The following CRYBB3 variants were observed in gnomAD, a reference collection of about 807,000 sequenced individuals.
CRYBB3 encodes the protein beta-crystallin B3.
In CRYBB3, 35 loss-of-function variants were observed where a neutral mutation model predicts 28.3. The observed-to-expected ratio is 1.24, with a 90% CI of 0.95 to 1.64. The LOEUF is 1.64. CRYBB3 is among the 40% of genes most tolerant of loss of function. The pLI, the probability that CRYBB3 is intolerant of heterozygous loss-of-function variation, is 0.00. For missense variants in CRYBB3, 296 were observed against 297.4 expected (o/e 1.00, Z 0.04); for synonymous variants, 106 against 110.4 (o/e 0.96, Z 0.25).
At chr22:25,201,539 A>G in intron 2 of CRYBB3, 68 bp downstream of exon 2, 1 of 1,592,970 alleles carries the variant, frequency 6.3e-7, no homozygotes, top group East Asian at 2.3e-5. Flanking sequence ...TTCCCAGCCA[A>G]GCAGCACCTC....
chr22:25,200,619 G>A (rs1193134292), intron 1 of CRYBB3, among the ~76,000 whole-genome samples: 1 of 152,192 alleles, frequency 6.6e-6, no homozygotes, highest in Non-Finnish European at 1.5e-5. Context: ...CCTTCCATGT[G>A]ACTGCGGCAG....
Position 25,205,211 on chromosome 22 carries a change from T to C in CRYBB3, c.328-9T>C. 3 of 1,613,862 alleles carry C rather than the reference T, an allele frequency of 1.9e-6. No individual in the cohort carries two copies. The highest frequency in any genetic ancestry group is 2.5e-6 in the Non-Finnish European group (3 of 1,179,852). On this transcript the variant is annotated splice_polypyrimidine_tract_variant and intron_variant, in intron 4 of 5. Coordinates refer to ENST00000215855, the MANE Select transcript of CRYBB3 (RefSeq NM_004076.5). ...GGAGCAGCCGCTCACCCCACGATAT[T>C]GCCCTCAGGATAGTCCACATCACAA...
chr22:25,203,308 T>TCA (rs1934978955), intron 3 of CRYBB3, among the ~76,000 whole-genome samples: 1 of 152,198 alleles, frequency 6.6e-6, no homozygotes, highest in Non-Finnish European at 1.5e-5. Flanking sequence ...GCAAGTTGCT[T>TCA]CACACACCAG....
At position 25,203,832 on chromosome 22, in the gene CRYBB3, C is replaced by T. The variant is rs770214669; in HGVS notation, c.264C>T (p.Arg88=). Reference sequence around the variant, plus strand: ...TTCTGGAGAAGGGGGATTATCCTCGCTGGGATGCCTGGTCCAACAGCCGTG... The same window carrying T: ...TTCTGGAGAAGGGGGATTATCCTCGTTGGGATGCCTGGTCCAACAGCCGTG... The part of the protein sequence containing the change: ...QFVLEKGDYP[R]WDAWSNSRDS... The change falls in exon 4 of 6, where the codon CGC becomes CGT. Residue 88 remains arginine, a synonymous_variant. Transcript: ENST00000215855. 1 of 1,614,232 alleles carries T rather than the reference C, an allele frequency of 6.2e-7. No homozygotes were observed. Among genetic ancestry groups the T allele is most frequent in the Admixed American group, 1.7e-5 (1 of 60,038 alleles).
chr22:25,206,362 G>A (rs927224591), intron 5 of CRYBB3, among the ~76,000 whole-genome samples: 5 of 152,048 alleles, frequency 3.3e-5, no homozygotes, highest in Admixed American at 6.6e-5. Context: ...TGACCACCAC[G>A]GAGAAACCCC....
chr22:25,203,284 C>G (rs565933666), intron 3 of CRYBB3, among the ~76,000 whole-genome samples: 1 of 152,310 alleles, frequency 6.6e-6, no homozygotes, highest in South Asian at 2.1e-4. Flanking sequence ...CACTAACCAT[C>G]TGGGTGATCT....
At chr22:25,204,574 C>T (rs776449421) in intron 4 of CRYBB3, among the ~76,000 whole-genome samples, 4 of 152,186 alleles carry the variant, frequency 2.6e-5, no homozygotes, top group Admixed American at 6.5e-5. Context: ...CATGCCACCA[C>T]GCTGGGCTAA....
intron 4 of CRYBB3, 99 bp from the exon 5 acceptor site, chr22:25,205,121 A>G (rs1935008627): frequency 6.5e-7 from 1 of 1,536,854 alleles, no homozygotes; most frequent in Non-Finnish European, 8.9e-7. Flanking sequence ...GGTGGGTGTT[A>G]TTTTGTGGTG....
In CRYBB3 at chr22:25,202,779, G is replaced by T. The variant is rs1404555231; in HGVS notation, c.181G>T (p.Val61Leu). The T allele has an allele frequency of 1.2e-6, 2 of 1,613,896 alleles. No individual in the cohort carries two copies. The highest frequency in any genetic ancestry group is 1.7e-6 in the Non-Finnish European group (2 of 1,180,010). ...SLLEKVGSIQVESGPWLAFES... is the reference protein window; with the variant it reads ...SLLEKVGSIQLESGPWLAFES... ...GCTGGAGAAGGTGGGCTCCATCCAA[G>T]TGGAGTCCGGGCCGTGAGTACCTAG... is the stretch of plus-strand genomic sequence containing the variant. Residue 61 changes from valine to leucine, a missense_variant, in exon 3 of 6, where the codon GTG (valine) becomes TTG (leucine). Physicochemically the swap from Val to Leu is conservative, Grantham distance 32. Coordinates refer to ENST00000215855, the MANE Select transcript of CRYBB3 (RefSeq NM_004076.5).
At chr22:25,204,410 T>C (rs768844735) in intron 4 of CRYBB3, among the ~76,000 whole-genome samples, 1 of 152,052 alleles carries the variant, frequency 6.6e-6, no homozygotes, top group Non-Finnish European at 1.5e-5. Flanking sequence ...TTAAACATTT[T>C]TATTTATGTA....
chr22:25,205,411 C>T (rs1397506889), intron 5 of CRYBB3, 49 bp downstream of exon 5: 2 of 1,609,520 alleles, frequency 1.2e-6, no homozygotes, highest in South Asian at 2.2e-5. Flanking sequence ...TCAGCCATGC[C>T]TCTGGCTCCA....
intron 4 of CRYBB3, among the ~76,000 whole-genome samples, chr22:25,204,977 C>G (rs1371309831): frequency 1.3e-5 from 2 of 152,140 alleles, no homozygotes; most frequent in African/African-American, 2.4e-5. Flanking sequence ...TCTGGAAATT[C>G]CTTTTCAGTT....
Position 25,205,687 on chromosome 22 carries a change from C to G in CRYBB3, c.470+325C>G, listed in dbSNP as rs1038383037. 2.0e-5 allele frequency among the ~76,000 whole-genome samples: 3 copies of G among 152,126 alleles called. No homozygotes were observed. The South Asian group carries it at 6.2e-4, about 32-fold the overall frequency. On this transcript the variant is annotated intron_variant, in intron 5 of 5. Coordinates refer to ENST00000215855, the MANE Select transcript of CRYBB3 (RefSeq NM_004076.5). Reference sequence around the variant, plus strand: ...TGTTAGCCAGGATGGTCTCAATCTCCTGACCTCATGATCTGCCCGCCTCGG... The same window carrying G: ...TGTTAGCCAGGATGGTCTCAATCTCGTGACCTCATGATCTGCCCGCCTCGG...
intron 1 of CRYBB3, among the ~76,000 whole-genome samples, chr22:25,200,830 A>T (rs1569006944): frequency 6.6e-6 from 1 of 152,296 alleles, no homozygotes; most frequent in East Asian, 1.9e-4. Flanking sequence ...ACCTCCCGAC[A>T]TATGGGGTCT....
intron 3 of CRYBB3, 129 bp downstream of exon 3, chr22:25,202,921 C>T (rs961640077): frequency 2.4e-5 from 36 of 1,508,224 alleles, no homozygotes; most frequent in African/African-American, 8.3e-5. Context: ...CCTCGTTTTC[C>T]GCATCTGTAA....
intron 3 of CRYBB3, 130 bp downstream of exon 3, chr22:25,202,922 G>A (rs974303298): frequency 2.9e-5 from 44 of 1,504,564 alleles, no homozygotes; most frequent in African/African-American, 4.2e-5. Context: ...CTCGTTTTCC[G>A]CATCTGTAAA....
At position 25,205,308 on chromosome 22, in the gene CRYBB3, T is replaced by C. The variant is rs1343231514; in HGVS notation, c.416T>C (p.Leu139Pro). ...MEIVDDDVPS[L>P]WAHGFQDRVA... is the part of the protein sequence containing the mutation. Reference sequence around the variant, plus strand: ...ATAGTGGATGATGACGTGCCCAGCCTGTGGGCTCATGGCTTCCAGGACCGT... The same window carrying C: ...ATAGTGGATGATGACGTGCCCAGCCCGTGGGCTCATGGCTTCCAGGACCGT... The change falls in exon 5 of 6, where the codon CTG becomes CCG. Residue 139 changes from leucine (L) to proline (P), a missense_variant. Physicochemically the swap from Leu to Pro is moderately conservative, Grantham distance 98. Coordinates refer to ENST00000215855, the MANE Select transcript of CRYBB3 (RefSeq NM_004076.5). 1 of 1,614,008 alleles carries C rather than the reference T, an allele frequency of 6.2e-7. No homozygotes were observed. The highest frequency in any genetic ancestry group is 1.3e-5 in the African/African-American group (1 of 74,908).
At chr22:25,201,171 C>T (rs1248995444) in intron 1 of CRYBB3, among the ~76,000 whole-genome samples, 1 of 152,148 alleles carries the variant, frequency 6.6e-6, no homozygotes, top group Non-Finnish European at 1.5e-5. Context: ...CCCCTCTGTA[C>T]AATGGGGCTC....
At chr22:25,204,693 C>T (rs1377719775) in intron 4 of CRYBB3, among the ~76,000 whole-genome samples, 2 of 152,198 alleles carry the variant, frequency 1.3e-5, no homozygotes, top group African/African-American at 4.8e-5. Flanking sequence ...ACTGGGATTA[C>T]AGGCCTGAGC....
Sources: gnomAD v4.1 joint callset for allele counts (sites outside exome capture counted in the v4.1 genomes callset) on GRCh38, gnomAD v4.1.1 for gene constraint, MANE v1.5 for transcripts, NCBI Gene and HGNC (gene_info 2026-07-23, HGNC 2026-07-21) for gene names.